NUB1: variants seen among roughly 807,000 people sequenced by gnomAD.
The protein encoded by NUB1 is NEDD8 ultimate buster 1.
NUB1 carries 41 observed loss-of-function variants against 77.1 expected under a neutral mutation model. The observed-to-expected ratio is 0.53, with a 90% CI of 0.41 to 0.69. The LOEUF is 0.69. NUB1 is among the 30% of genes least tolerant of loss of function. NUB1 has a pLI of 0.00. For missense variants in NUB1, 643 were observed against 743.8 expected (o/e 0.86, Z 1.58); for synonymous variants, 257 against 281.0 (o/e 0.91, Z 0.85).
chr7:151,345,212 T>C (rs1286870910), intron 1 of NUB1, 136 bp from the exon 2 acceptor site: 10 of 558,142 alleles, frequency 1.8e-5, no homozygotes, highest in Non-Finnish European at 3.2e-5. Context: ...GGAGCTCATT[T>C]AAACCATAGT....
chr7:151,369,030 C>A, intron 11 of NUB1, 143 bp downstream of exon 11: 1 of 957,660 alleles, frequency 1.0e-6, no homozygotes, highest in Non-Finnish European at 1.5e-6. Flanking sequence ...TTTCTTGAGA[C>A]AGAGTCTCAC....
intron 8 of NUB1, 74 bp downstream of exon 8, chr7:151,360,321 C>A: frequency 1.4e-6 from 1 of 707,410 alleles, no homozygotes; most frequent in South Asian, 1.8e-5. Context: ...CCCTGCCATG[C>A]CCTTGAGACT....
rs1563027226 is a variant in NUB1 at position 151,368,856 on chromosome 7, A to T, written c.1217A>T (p.His406Leu). The change falls in exon 11 of 15, where the codon CAT becomes CTT. Residue 406 changes from histidine (H) to leucine (L), a missense_variant. His to Leu is a moderately conservative substitution (Grantham distance 99). Coordinates refer to ENST00000568733, the MANE Select transcript of NUB1 (RefSeq NM_001243351.2). ...AGGGCGTGTGATGGGAACGTGGATC[A>T]TGCGGCCACTCATATTACCAACCGC... Reference protein sequence around the residue: ...GLRACDGNVDHAATHITNRRE... With the variant: ...GLRACDGNVDLAATHITNRRE... 1 of 1,613,766 alleles carries T rather than the reference A, an allele frequency of 6.2e-7. No homozygotes were observed. Among genetic ancestry groups the T allele is most frequent in the Non-Finnish European group, 8.5e-7 (1 of 1,179,838 alleles).
At chr7:151,344,376 T>C (rs887642320) in intron 1 of NUB1, among the ~76,000 whole-genome samples, 5 of 151,070 alleles carry the variant, frequency 3.3e-5, no homozygotes, top group African/African-American at 1.2e-4. Context: ...AGTGGTGCCA[T>C]CTCGGCTCAC....
At chr7:151,358,803 G>A (rs561020191) in intron 7 of NUB1, among the ~76,000 whole-genome samples, 7 of 152,202 alleles carry the variant, frequency 4.6e-5, no homozygotes, top group Middle Eastern at 3.4e-3. Flanking sequence ...GGTGGCTCAC[G>A]CCTGTAATCC....
chr7:151,362,410 C>T (rs1797421509), intron 8 of NUB1, among the ~76,000 whole-genome samples: 1 of 152,168 alleles, frequency 6.6e-6, no homozygotes. Context: ...ATTTCCTTTT[C>T]CATTTGACTT....
Position 151,377,186 on chromosome 7 carries a change from C to A in NUB1, c.1809C>A (p.Ser603=). 6.4e-7 allele frequency: 1 copy of A among 1,572,010 alleles called. No individual in the cohort carries two copies. The highest frequency in any genetic ancestry group is 2.3e-5 in the East Asian group (1 of 44,058). ...DEEIIIAEYL[S]YVENRKSATK... is the part of the protein sequence containing the mutation. ...AAATTATTATTGCAGAGTACCTATC[C>A]TATGTAGAAAATAGGAAGTCAGCAA... The change falls in exon 15 of 15, where the codon TCC becomes TCA. Residue 603 remains serine (S), a synonymous_variant. Coordinates refer to ENST00000568733, the MANE Select transcript of NUB1 (RefSeq NM_001243351.2).
At position 151,375,842 on chromosome 7, in the gene NUB1, T is replaced by G; in HGVS notation, c.1396-6T>G. 1 of 1,593,410 alleles carries G rather than the reference T, an allele frequency of 6.3e-7. No homozygotes were observed. Among genetic ancestry groups the G allele is most frequent in the East Asian group, 2.2e-5 (1 of 44,748 alleles). On this transcript the variant is annotated splice_polypyrimidine_tract_variant and splice_region_variant and intron_variant, in intron 12 of 14. Coordinates refer to ENST00000568733, the MANE Select transcript of NUB1 (RefSeq NM_001243351.2). The stretch of plus-strand genomic sequence containing the variant: ...GATGGGTAAAGGGTGTTCCTGTGTG[T>G]TTTAGATTCTGCTCAGCAATCCTCA...
intron 5 of NUB1, 146 bp downstream of exon 5, chr7:151,353,028 A>G: frequency 5.2e-6 from 3 of 575,148 alleles, no homozygotes; most frequent in Non-Finnish European, 9.2e-6. Flanking sequence ...TAAAATAAAA[A>G]TGTAAAGCAG....
intron 9 of NUB1, 86 bp downstream of exon 9, chr7:151,367,211 C>T: frequency 1.9e-6 from 2 of 1,076,396 alleles, no homozygotes; most frequent in Non-Finnish European, 2.7e-6. Context: ...GAACTACTGC[C>T]AGAAGGTAAT....
chr7:151,369,872 T>C (rs1797878012), intron 11 of NUB1, among the ~76,000 whole-genome samples: 1 of 152,004 alleles, frequency 6.6e-6, no homozygotes, highest in Admixed American at 6.6e-5. Context: ...GCCTCAGGGG[T>C]ATTTGGATGG....
chr7:151,373,863 CA>C (rs1702782224), intron 11 of NUB1, among the ~76,000 whole-genome samples: 1 of 152,026 alleles, frequency 6.6e-6, no homozygotes, highest in African/African-American at 2.4e-5. Context: ...CTTCCTGCCC[CA>C]CGGGCATCTC....
intron 12 of NUB1, among the ~76,000 whole-genome samples, chr7:151,374,963 C>T (rs1000592070): frequency 7.2e-6 from 1 of 138,560 alleles, no homozygotes; most frequent in African/African-American, 2.6e-5. Context: ...TGGGGCAGCG[C>T]GGCGGGCAGG....
chr7:151,343,766 A>T (rs577463709), intron 1 of NUB1, among the ~76,000 whole-genome samples: 2 of 152,272 alleles, frequency 1.3e-5, no homozygotes, highest in South Asian at 4.1e-4. Flanking sequence ...TTCAGAGTCC[A>T]GTGTTGTGGG....
Position 151,349,211 on chromosome 7 carries a change from G to A in NUB1, c.256G>A (p.Glu86Lys), listed in dbSNP as rs751445697. The change falls in exon 3 of 15, where the codon GAG becomes AAG. Residue 86 changes from glutamate (E) to lysine (K), a missense_variant. Glu to Lys is a moderately conservative substitution (Grantham distance 56). Coordinates refer to ENST00000568733, the MANE Select transcript of NUB1 (RefSeq NM_001243351.2). ...NYRTTGIATI[E>K]VFLPPRLKKD... ...TAGAACAACGGGAATTGCTACAATC[G>A]AGGTGTTTTTACCACCAAGACTAAA... 5 of 1,612,076 alleles carry A rather than the reference G, an allele frequency of 3.1e-6. No homozygotes were observed. Among genetic ancestry groups the A allele is most frequent in the Admixed American group, 3.4e-5 (2 of 59,416 alleles).
intron 2 of NUB1, among the ~76,000 whole-genome samples, chr7:151,346,300 T>C (rs574698046): frequency 6.6e-6 from 1 of 152,370 alleles, no homozygotes; most frequent in African/African-American, 2.4e-5. Flanking sequence ...TTACAGTCTC[T>C]TGGTTTAGAA....
rs149764438 is a variant in NUB1, at chr7:151,376,035, A to T, written c.1491+92A>T. On this transcript the variant is annotated intron_variant, in intron 13 of 14. Transcript: ENST00000568733. ...GTGAATCAGGCAGCAGGACTGGGGGAGTCCGTGCTGAAACCTTGGCTCCCA... is the reference window on the plus strand; with the variant it reads ...GTGAATCAGGCAGCAGGACTGGGGGTGTCCGTGCTGAAACCTTGGCTCCCA... The T allele has an allele frequency of 1.2e-3, 1,018 of 817,696 alleles. 10 individuals carry two copies. The African/African-American group carries it at 0.014, about 12-fold the overall frequency. The allele number at this position is 817,696 out of a possible 1,614,324, so 50.7% of individuals were successfully genotyped here.
At chr7:151,360,464 T>C in intron 8 of NUB1, 1 of 465,280 alleles carries the variant, frequency 2.1e-6, no homozygotes, top group Non-Finnish European at 3.8e-6. Context: ...GCAGGTAGGA[T>C]ATCCTCTCTT....
At chr7:151,355,428 C>T (rs1393560232) in intron 5 of NUB1, among the ~76,000 whole-genome samples, 1 of 152,218 alleles carries the variant, frequency 6.6e-6, no homozygotes, top group African/African-American at 2.4e-5. Context: ...TAACCCAGCA[C>T]TTTGTGAGGC....
Sources: gnomAD v4.1 joint callset for allele counts (sites outside exome capture counted in the v4.1 genomes callset) on GRCh38, gnomAD v4.1.1 for gene constraint, MANE v1.5 for transcripts, NCBI Gene and HGNC (gene_info 2026-07-23, HGNC 2026-07-21) for gene names.